LMCD1: variants seen among roughly 807,000 people sequenced by gnomAD.
The protein encoded by LMCD1 is LIM and cysteine-rich domains protein 1.
LMCD1 carries 32 observed loss-of-function variants against 42.7 expected under a neutral mutation model. That is an observed-to-expected ratio of 0.75 (90% CI 0.57 to 1.01). The LOEUF (loss-of-function observed/expected upper bound fraction) is 1.01, where lower values mean the gene tolerates loss of function less well. LMCD1 is among the 50% of genes least tolerant of loss of function. LMCD1 has a pLI of 0.00. For synonymous variants in LMCD1, 178 were observed against 184.9 expected (o/e 0.96, Z 0.30); for missense variants, 458 against 483.1 (o/e 0.95, Z 0.49).
At chr3:8,553,095 G>C (rs1694869049) in intron 4 of LMCD1, among the ~76,000 whole-genome samples, 1 of 152,188 alleles carries the variant, frequency 6.6e-6, no homozygotes. Context: ...TGGAAGCACA[G>C]GTGCAGAATC....
intron 2 of LMCD1, among the ~76,000 whole-genome samples, chr3:8,535,374 G>C (rs67203525): frequency 6.6e-6 from 1 of 151,884 alleles, no homozygotes; most frequent in Non-Finnish European, 1.5e-5. Context: ...GCACCCTGAG[G>C]GTCATTTTCT....
intron 4 of LMCD1, chr3:8,550,213 C>T (rs1035095858): frequency 1.1e-5 from 14 of 1,223,216 alleles, no homozygotes; most frequent in Middle Eastern, 3.5e-4. Flanking sequence ...GGCTGGACCA[C>T]GTGGGTCTAG....
chr3:8,554,915 T>C (rs1408519672), intron 4 of LMCD1, among the ~76,000 whole-genome samples: 7 of 152,272 alleles, frequency 4.6e-5, no homozygotes, highest in African/African-American at 1.7e-4. Context: ...ATGTGATCTC[T>C]ACTCTTTAGC....
At chr3:8,538,785 G>A (rs145207634) in intron 3 of LMCD1, among the ~76,000 whole-genome samples, 8 of 149,908 alleles carry the variant, frequency 5.3e-5, no homozygotes, top group Non-Finnish European at 8.9e-5. Flanking sequence ...GCCTAGATAT[G>A]AGGGCAGACA....
chr3:8,527,569 T>G (rs1248520490), intron 1 of LMCD1, among the ~76,000 whole-genome samples: 1 of 152,200 alleles, frequency 6.6e-6, no homozygotes, highest in Non-Finnish European at 1.5e-5. Context: ...TCACTCCAGC[T>G]TCTCTCCCAG....
intron 2 of LMCD1, among the ~76,000 whole-genome samples, chr3:8,535,450 T>C (rs1380851348): frequency 2.0e-5 from 3 of 152,220 alleles, no homozygotes; most frequent in Non-Finnish European, 4.4e-5. Context: ...TGCAGCCCAC[T>C]GAATGTGAAC....
At chr3:8,552,944 C>T (rs1245403466) in intron 4 of LMCD1, among the ~76,000 whole-genome samples, 2 of 152,096 alleles carry the variant, frequency 1.3e-5, no homozygotes, top group Non-Finnish European at 2.9e-5. Flanking sequence ...AGGATGGTCT[C>T]GATCTCCTGA....
chr3:8,554,573 T>A (rs754624378), intron 4 of LMCD1, among the ~76,000 whole-genome samples: 3 of 152,076 alleles, frequency 2.0e-5, no homozygotes, highest in Non-Finnish European at 4.4e-5. Context: ...GTATCAGAGA[T>A]CTCCGTGGCC....
In LMCD1 at chr3:8,573,942, T is replaced by C. The variant is rs1229980962; in HGVS notation, c.*6344T>C. 1 of 152,032 alleles carries C rather than the reference T, an allele frequency of 6.6e-6. No homozygotes were observed. The highest frequency in any genetic ancestry group is 1.5e-5 in the Non-Finnish European group (1 of 68,004). 9.4% of individuals were successfully genotyped at this position (152,032 alleles called of 1,614,324 possible). On this transcript the variant is annotated 3_prime_UTR_variant, in exon 6 of 6. Transcript: ENST00000157600. ...AGGGGTTTTGCTTTCTGGAATCTGC[T>C]TTCTAGTCAGAAAGTGCAGAAGAAG...
chr3:8,568,027 C>T lies in LMCD1; in HGVS notation c.*429C>T, dbSNP rs1417048587. 3.9e-5 allele frequency: 6 copies of T among 153,434 alleles called. No homozygotes were observed. The highest frequency in any genetic ancestry group is 1.9e-4 in the East Asian group (1 of 5,228). 9.5% of individuals were successfully genotyped at this position (153,434 alleles called of 1,614,324 possible). A position where few individuals can be genotyped will look rare whatever the true frequency, so the allele number is the denominator to read the frequency against. ...AGGAGCAGGCTGGGATCCCAACTAT[C>T]GCTTGTTGCCTCTTTTTCAAGTGGA... On this transcript the variant is annotated 3_prime_UTR_variant, in exon 6 of 6. Coordinates refer to ENST00000157600, the MANE Select transcript of LMCD1 (RefSeq NM_014583.4).
At chr3:8,511,567 C>T (rs1014614712) in intron 1 of LMCD1, among the ~76,000 whole-genome samples, 1 of 152,148 alleles carries the variant, frequency 6.6e-6, no homozygotes, top group Non-Finnish European at 1.5e-5. Context: ...AAAGAGGGGA[C>T]ATTTGAGCTG....
At chr3:8,540,088 G>T (rs999397422) in intron 3 of LMCD1, among the ~76,000 whole-genome samples, 3 of 151,938 alleles carry the variant, frequency 2.0e-5, no homozygotes, top group African/African-American at 7.3e-5. Flanking sequence ...GTAGGGACAT[G>T]GATGAAGCTG....
At chr3:8,520,512 G>C (rs1246754568) in intron 1 of LMCD1, among the ~76,000 whole-genome samples, 1 of 152,092 alleles carries the variant, frequency 6.6e-6, no homozygotes, top group Non-Finnish European at 1.5e-5. Context: ...GGGAGTAAGG[G>C]GTCCCCACAG....
chr3:8,544,755 G>A (rs3732988), intron 3 of LMCD1, among the ~76,000 whole-genome samples: 69,664 of 151,972 alleles, frequency 0.46, 16,584 homozygotes, highest in Non-Finnish European at 0.52. Context: ...AGCCCCAAGC[G>A]ATAAGCTATG....
intron 1 of LMCD1, among the ~76,000 whole-genome samples, chr3:8,525,635 A>C (rs1694284729): frequency 6.6e-6 from 1 of 152,046 alleles, no homozygotes; most frequent in African/African-American, 2.4e-5. Context: ...TTTTTGAGGA[A>C]CCTCATACTG....
intron 1 of LMCD1, among the ~76,000 whole-genome samples, chr3:8,503,247 A>C (rs1470930455): frequency 6.6e-6 from 1 of 152,216 alleles, no homozygotes; most frequent in East Asian, 1.9e-4. Context: ...AACTAAAGAC[A>C]CAAACAGCCA....
Position 8,567,699 on chromosome 3 carries a change from G to A in LMCD1, c.*101G>A, listed in dbSNP as rs1695152607. On this transcript the variant is annotated 3_prime_UTR_variant, in exon 6 of 6. Transcript: ENST00000157600. ...GGGTCCGATGTGACAGCAAGCAAGT[G>A]AAATAAACAATGATTTGCTTTTCAG... 1 of 1,125,868 alleles carries A rather than the reference G, an allele frequency of 8.9e-7. No individual in the cohort carries two copies. The highest frequency in any genetic ancestry group is 2.3e-5 in the Admixed American group (1 of 43,958). 69.7% of individuals were successfully genotyped at this position (1,125,868 alleles called of 1,614,324 possible).
At position 8,553,435 on chromosome 3, in the gene LMCD1, G is replaced by A. The variant is rs527858366; in HGVS notation, c.723+4532G>A. 2.3e-4 allele frequency among the ~76,000 whole-genome samples: 35 copies of A among 152,286 alleles called. 1 individual carries two copies. The Middle Eastern group carries it at 0.017, about 74-fold the overall frequency. ...ATGCCTGTATGGAATTCCTACTAAG[G>A]GGCCATGTTCTGAGTGAGCCCAGAT... On this transcript the variant is annotated intron_variant, in intron 4 of 5. Coordinates refer to ENST00000157600, the MANE Select transcript of LMCD1 (RefSeq NM_014583.4).
At chr3:8,548,420 G>A in intron 3 of LMCD1, 148 bp from the exon 4 acceptor site, 1 of 501,482 alleles carries the variant, frequency 2.0e-6, no homozygotes, top group East Asian at 3.1e-5. Flanking sequence ...ACTGCATTAA[G>A]TTAAGAAAAT....
Sources: gnomAD v4.1 joint callset for allele counts (sites outside exome capture counted in the v4.1 genomes callset) on GRCh38, gnomAD v4.1.1 for gene constraint, MANE v1.5 for transcripts, NCBI Gene and HGNC (gene_info 2026-07-23, HGNC 2026-07-21) for gene names.